JAK2: variants seen among roughly 807,000 people sequenced by gnomAD.
The protein encoded by JAK2 is Janus kinase 2.
JAK2 carries 86 observed loss-of-function variants against 139.3 expected under a neutral mutation model. The ratio of observed to expected loss-of-function variants is 0.62; its 90% CI spans 0.52 to 0.74. The LOEUF is 0.74. Ranked by LOEUF, JAK2 falls within the 30% of genes least tolerant of loss-of-function variation. JAK2 has a pLI of 0.00. For synonymous variants in JAK2, 490 were observed against 437.7 expected, an observed-to-expected ratio of 1.12 and a Z score of -1.49; for missense variants, 1,421 against 1,360.3, an observed-to-expected ratio of 1.04 and a Z score of -0.70.
chr9:5,096,682 G>T (rs957409195), intron 22 of JAK2: 1 of 152,036 alleles, frequency 6.6e-6, no homozygotes, highest in African/African-American at 2.4e-5. Context: ...ATCAATTGTT[G>T]ATTGTTTTCA....
chr9:4,987,857 C>T (rs888304408), intron 2 of JAK2, among the ~76,000 whole-genome samples: 27 of 152,112 alleles, frequency 1.8e-4, no homozygotes, highest in African/African-American at 6.5e-4. Context: ...AACTGCCTGG[C>T]TGTCATAAAA....
At chr9:5,121,673 C>T (rs1344607229) in intron 22 of JAK2, among the ~76,000 whole-genome samples, 2 of 152,162 alleles carry the variant, frequency 1.3e-5, no homozygotes, top group African/African-American at 4.8e-5. Flanking sequence ...GATTTACATA[C>T]ACTTCAAAAA....
At chr9:5,084,041 G>T (rs1294358902) in intron 19 of JAK2, among the ~76,000 whole-genome samples, 2 of 151,918 alleles carry the variant, frequency 1.3e-5, no homozygotes, top group East Asian at 1.9e-4. Flanking sequence ...TTGTAATTTT[G>T]AGTTAATGTT....
intron 19 of JAK2, among the ~76,000 whole-genome samples, chr9:5,086,428 T>C (rs772831845): frequency 2.6e-5 from 4 of 152,276 alleles, no homozygotes; most frequent in African/African-American, 7.2e-5. Context: ...GCGACTACTT[T>C]GAAATTATCA....
rs138648167 is a variant in JAK2, at chr9:5,032,080, C to T, written c.350+2174C>T. On this transcript the variant is annotated intron_variant, in intron 4 of 24. Transcript: ENST00000381652. Reference sequence around the variant, plus strand: ...CCACTCTAATACTGCGCTATTCTAACGGTATTAGCAAATGGCACATATCCC... The same window carrying T: ...CCACTCTAATACTGCGCTATTCTAATGGTATTAGCAAATGGCACATATCCC... Among the ~76,000 whole-genome samples the T allele has an allele frequency of 6.3e-3, 956 of 152,350 alleles. 7 individuals are homozygous for T. The highest frequency in any genetic ancestry group is 7.3e-3 in the Non-Finnish European group (499 of 68,022).
chr9:5,042,989 G>T (rs1430411823), intron 4 of JAK2, among the ~76,000 whole-genome samples: 5 of 152,230 alleles, frequency 3.3e-5, no homozygotes, highest in Non-Finnish European at 7.3e-5. Flanking sequence ...AAGCTGAGGG[G>T]GGTGGGCCGG....
At chr9:5,123,669 T>C (rs573820126) in intron 23 of JAK2, among the ~76,000 whole-genome samples, 194 of 152,102 alleles carry the variant, frequency 1.3e-3, no homozygotes, top group African/African-American at 4.4e-3. Context: ...AGATACCCCA[T>C]AGTGGGAATG....
chr9:5,044,661 T>C, intron 5 of JAK2, 141 bp downstream of exon 5: 1 of 523,720 alleles, frequency 1.9e-6, no homozygotes, highest in South Asian at 2.9e-5. Context: ...AGTAACAAAA[T>C]TGAGTCTTTT....
intron 2 of JAK2, among the ~76,000 whole-genome samples, chr9:5,008,603 T>C (rs1257099907): frequency 6.6e-6 from 1 of 152,238 alleles, no homozygotes; most frequent in Non-Finnish European, 1.5e-5. Context: ...CAGTGATTTT[T>C]ATATGTGTGG....
chr9:5,032,646 G>A (rs1429450601), intron 4 of JAK2, among the ~76,000 whole-genome samples: 2 of 152,200 alleles, frequency 1.3e-5, no homozygotes, highest in Non-Finnish European at 2.9e-5. Context: ...GGTCTGGAGT[G>A]GACCTCCAGC....
chr9:5,041,686 G>A (rs916317784), intron 4 of JAK2: 1 of 511,528 alleles, frequency 2.0e-6, no homozygotes, highest in Non-Finnish European at 3.9e-6. Context: ...CTCTTCGACC[G>A]AAGCGGCTTC....
intron 22 of JAK2, among the ~76,000 whole-genome samples, chr9:5,103,732 G>A (rs565645809): frequency 1.3e-5 from 2 of 152,132 alleles, no homozygotes; most frequent in Non-Finnish European, 2.9e-5. Flanking sequence ...AGAGCACAGT[G>A]CAATCAAATT....
intron 16 of JAK2, 47 bp from the exon 17 acceptor site, chr9:5,080,182 T>C (rs771687968): frequency 3.2e-5 from 44 of 1,394,026 alleles, no homozygotes; most frequent in Non-Finnish European, 4.2e-5. Flanking sequence ...AAAAGATTGG[T>C]TTACTTGTGA....
intron 4 of JAK2, among the ~76,000 whole-genome samples, chr9:5,033,026 A>G (rs886561040): frequency 6.6e-6 from 1 of 152,226 alleles, no homozygotes; most frequent in African/African-American, 2.4e-5. Context: ...GCTAACTAGA[A>G]TAACCAATGC....
chr9:5,110,988 C>G, intron 22 of JAK2: 1 of 652,114 alleles, frequency 1.5e-6, no homozygotes, highest in Non-Finnish European at 2.8e-6. Flanking sequence ...GCATGATGTT[C>G]CCGCTGCCCG....
At chr9:5,060,391 A>G (rs1053861685) in intron 8 of JAK2, among the ~76,000 whole-genome samples, 6 of 152,176 alleles carry the variant, frequency 3.9e-5, no homozygotes, top group Non-Finnish European at 5.9e-5. Context: ...CCACAGTAGA[A>G]TTTCTTTAGA....
At chr9:5,010,380 G>A (rs1821616471) in intron 2 of JAK2, among the ~76,000 whole-genome samples, 2 of 131,466 alleles carry the variant, frequency 1.5e-5, no homozygotes, top group Admixed American at 1.5e-4. Context: ...CTGGAGTGCA[G>A]TAAACATGAC....
At chr9:5,085,063 T>A in intron 19 of JAK2, 1 of 709,214 alleles carries the variant, frequency 1.4e-6, no homozygotes, top group Non-Finnish European at 2.6e-6. Context: ...GATGAGAAGT[T>A]TACTGCTCTC....
chr9:5,023,994 CACCTGT>C lies in JAK2; in HGVS notation c.226+1783_226+1788del, dbSNP rs1822610492. 2.6e-5 allele frequency among the ~76,000 whole-genome samples: 4 copies of C among 152,206 alleles called. No individual in the cohort carries two copies. The South Asian group carries it at 8.3e-4, about 32-fold the overall frequency. ...AGCTTGGGCCGGGCACGGTGGCTTA[CACCTGT>C]AATCCCAGCACTTTGGGAGGCTGAG... On this transcript the variant is annotated intron_variant, in intron 3 of 24. Transcript: ENST00000381652.
Sources: gnomAD v4.1 joint callset for allele counts (sites outside exome capture counted in the v4.1 genomes callset) on GRCh38, gnomAD v4.1.1 for gene constraint, MANE v1.5 for transcripts, NCBI Gene and HGNC (gene_info 2026-07-23, HGNC 2026-07-21) for gene names.